The following RALGAPA1 variants were observed in gnomAD, a reference collection of about 807,000 sequenced individuals.
RALGAPA1 encodes the protein ral GTPase-activating protein subunit alpha-1.
A neutral mutation model predicts 269.6 loss-of-function variants in RALGAPA1; 52 were observed. The ratio of observed to expected loss-of-function variants is 0.19; its 90% CI spans 0.15 to 0.24. The LOEUF is 0.24. RALGAPA1 is among the 10% of genes least tolerant of loss of function. The pLI, the probability that RALGAPA1 is intolerant of heterozygous loss-of-function variation, is 1.00. For missense variants in RALGAPA1, 1,917 were observed against 3,013.9 expected, an observed-to-expected ratio of 0.64 and a Z score of 8.52; for synonymous variants, 817 against 1,008.3, an observed-to-expected ratio of 0.81 and a Z score of 3.60.
At chr14:35,647,691 G>A (rs1418030455) in intron 31 of RALGAPA1, among the ~76,000 whole-genome samples, 1 of 152,152 alleles carries the variant, frequency 6.6e-6, no homozygotes, top group South Asian at 2.1e-4. Context: ...GGTGGCTCAC[G>A]CCTGTAATCC....
intron 36 of RALGAPA1, among the ~76,000 whole-genome samples, chr14:35,600,529 C>T (rs2059232048): frequency 6.6e-6 from 1 of 152,104 alleles, no homozygotes; most frequent in Non-Finnish European, 1.5e-5. Context: ...CCATGCCCAG[C>T]CTAAGTTTGT....
At chr14:35,661,300 T>A (rs1473861361) in intron 27 of RALGAPA1, among the ~76,000 whole-genome samples, 1 of 152,212 alleles carries the variant, frequency 6.6e-6, no homozygotes. Context: ...TCATCCTTAA[T>A]AATTTGTAAA....
intron 17 of RALGAPA1, among the ~76,000 whole-genome samples, chr14:35,695,900 T>C (rs920268476): frequency 6.6e-6 from 1 of 152,128 alleles, no homozygotes; most frequent in Non-Finnish European, 1.5e-5. Context: ...TAAGTAATTA[T>C]CAAAGGCCAA....
In RALGAPA1 at chr14:35,688,444, ACT is replaced by A. The variant is rs907571923; in HGVS notation, c.3952+13_3952+14del. ...GTCTTTCTCCTTTTGCGCTCTGCAC[ACT>A]GTTAGTGCTCACCTGCAGCTTTCCT... On this transcript the variant is annotated intron_variant, in intron 18 of 41. Transcript: ENST00000680220. 2.6e-6 allele frequency: 4 copies of A among 1,535,978 alleles called. No homozygotes were observed. Among genetic ancestry groups the A allele is most frequent in the African/African-American group, 1.4e-5 (1 of 73,046 alleles).
intron 4 of RALGAPA1, among the ~76,000 whole-genome samples, chr14:35,765,287 G>A (rs1467246480): frequency 6.6e-6 from 1 of 151,646 alleles, no homozygotes; most frequent in Non-Finnish European, 1.5e-5. Flanking sequence ...CACCCTCTTG[G>A]TCCGATTTGT....
chr14:35,776,849 C>T (rs2075071770), intron 1 of RALGAPA1, among the ~76,000 whole-genome samples: 1 of 151,886 alleles, frequency 6.6e-6, no homozygotes, highest in Admixed American at 6.6e-5. Flanking sequence ...TGCACGTGTA[C>T]CCTAGAACTT....
At chr14:35,730,567 C>T (rs2070383398) in intron 12 of RALGAPA1, among the ~76,000 whole-genome samples, 1 of 152,170 alleles carries the variant, frequency 6.6e-6, no homozygotes, top group Admixed American at 6.5e-5. Context: ...GACAGACTGG[C>T]CCTTCAGATT....
chr14:35,640,512 C>G (rs766979111), intron 31 of RALGAPA1, among the ~76,000 whole-genome samples: 30 of 152,260 alleles, frequency 2.0e-4, no homozygotes, highest in Non-Finnish European at 3.2e-4. Flanking sequence ...AACTCCTAGA[C>G]ACATAAAATC....
At chr14:35,680,058 A>G (rs1392797516) in intron 21 of RALGAPA1, among the ~76,000 whole-genome samples, 2 of 152,218 alleles carry the variant, frequency 1.3e-5, no homozygotes, top group Non-Finnish European at 1.5e-5. Context: ...AATGAAAATT[A>G]TAACCTTAAT....
chr14:35,668,914 A>G (rs1223780945), intron 26 of RALGAPA1, among the ~76,000 whole-genome samples: 1 of 152,134 alleles, frequency 6.6e-6, no homozygotes, highest in African/African-American at 2.4e-5. Flanking sequence ...AGTACCTTTC[A>G]ATTCTTTTTG....
intron 35 of RALGAPA1, among the ~76,000 whole-genome samples, chr14:35,608,153 C>G (rs1049695933): frequency 1.3e-5 from 2 of 152,104 alleles, no homozygotes; most frequent in African/African-American, 4.8e-5. Flanking sequence ...AACCTTCAAG[C>G]TATTAGTCTC....
intron 36 of RALGAPA1, among the ~76,000 whole-genome samples, chr14:35,601,924 T>C (rs1175363132): frequency 6.6e-6 from 1 of 152,168 alleles, no homozygotes; most frequent in Non-Finnish European, 1.5e-5. Context: ...TAGAACATCT[T>C]CATCATTTCC....
At chr14:35,611,277 T>C (rs1381674221) in intron 35 of RALGAPA1, among the ~76,000 whole-genome samples, 2 of 151,784 alleles carry the variant, frequency 1.3e-5, no homozygotes, top group South Asian at 2.1e-4. Flanking sequence ...GGGTGGATCA[T>C]GAGGTCAAGA....
At chr14:35,769,019 AAAAAAAAAAAAAAAAAATATATAT>A (rs1207460031) in intron 4 of RALGAPA1, among the ~76,000 whole-genome samples, 2 of 95,220 alleles carry the variant, frequency 2.1e-5, no homozygotes, top group Non-Finnish European at 3.9e-5. Context: ...AAAAAAAAAA[AAAAAAAAAAAAAAAAAATATATAT>A]ATATATATAT....
chr14:35,797,376 A>C (rs72642586), intron 1 of RALGAPA1, among the ~76,000 whole-genome samples: 12,863 of 144,622 alleles, frequency 0.089, 1,230 homozygotes, highest in East Asian at 0.33. Context: ...AAAGATGCCA[A>C]AGTAAAGACT....
At chr14:35,609,008 C>T (rs949916994) in intron 35 of RALGAPA1, among the ~76,000 whole-genome samples, 2 of 152,138 alleles carry the variant, frequency 1.3e-5, no homozygotes, top group Non-Finnish European at 2.9e-5. Flanking sequence ...GGGTGGATCA[C>T]GAGGTCAGGA....
At chr14:35,662,113 A>G (rs2063577021) in intron 27 of RALGAPA1, among the ~76,000 whole-genome samples, 1 of 152,172 alleles carries the variant, frequency 6.6e-6, no homozygotes, top group African/African-American at 2.4e-5. Context: ...AAAATCAAAC[A>G]AGGTGATATG....
At chr14:35,650,148 G>A (rs1371702014) in intron 31 of RALGAPA1, among the ~76,000 whole-genome samples, 1 of 152,084 alleles carries the variant, frequency 6.6e-6, no homozygotes, top group Non-Finnish European at 1.5e-5. Flanking sequence ...GAGGCAGGTG[G>A]ATCACTTGGG....
intron 9 of RALGAPA1, among the ~76,000 whole-genome samples, chr14:35,750,218 T>C (rs1334182251): frequency 6.6e-6 from 1 of 152,132 alleles, no homozygotes; most frequent in Non-Finnish European, 1.5e-5. Flanking sequence ...ATAAAGAATA[T>C]TTTTAGTATT....
Sources: allele counts gnomAD v4.1 joint callset (sites outside exome capture counted in the v4.1 genomes callset), GRCh38; gene constraint gnomAD v4.1.1; transcripts MANE v1.5; gene names NCBI Gene and HGNC (gene_info 2026-07-23, HGNC 2026-07-21).